The following TPH2 variants were observed in gnomAD, a reference collection of about 807,000 sequenced individuals.
The protein encoded by TPH2 is tryptophan 5-hydroxylase 2.
TPH2 carries 27 observed loss-of-function variants against 59.1 expected under a neutral mutation model. The ratio of observed to expected loss-of-function variants is 0.46; its 90% confidence interval spans 0.34 to 0.63. TPH2 has a LOEUF of 0.63. Ranked by LOEUF, TPH2 falls within the 30% of genes least tolerant of loss-of-function variation. TPH2 has a pLI of 0.01. For synonymous variants in TPH2, 220 were observed against 210.5 expected (o/e 1.05, Z -0.39); for missense variants, 523 against 588.3 (o/e 0.89, Z 1.15).
At chr12:72,007,079 T>C (rs1455497174) in intron 8 of TPH2, among the ~76,000 whole-genome samples, 1 of 152,168 alleles carries the variant, frequency 6.6e-6, no homozygotes, top group Non-Finnish European at 1.5e-5. Flanking sequence ...TTTCCCCTTC[T>C]GAAGTGCAGA....
chr12:72,027,243 G>A (rs1460907346), intron 9 of TPH2, among the ~76,000 whole-genome samples: 2 of 152,174 alleles, frequency 1.3e-5, no homozygotes, highest in East Asian at 1.9e-4. Flanking sequence ...CAGAGCTGGG[G>A]CCGTTTAATT....
intron 8 of TPH2, among the ~76,000 whole-genome samples, chr12:72,009,003 A>G (rs1873028641): frequency 6.6e-6 from 1 of 152,162 alleles, no homozygotes. Context: ...AATTACCTAT[A>G]TTTACACATC....
chr12:72,023,204 G>A (rs1352400228), intron 9 of TPH2, among the ~76,000 whole-genome samples: 1 of 152,134 alleles, frequency 6.6e-6, no homozygotes, highest in Non-Finnish European at 1.5e-5. Flanking sequence ...CATTTTAAAT[G>A]CAGTGTGATA....
chr12:71,944,564 G>T, intron 3 of TPH2, 22 bp from the exon 4 acceptor site: 1 of 1,613,706 alleles, frequency 6.2e-7, no homozygotes, highest in South Asian at 1.1e-5. Context: ...TAATATTTTT[G>T]AACCTGCACT....
At chr12:71,971,885 G>T (rs1454026549) in intron 5 of TPH2, among the ~76,000 whole-genome samples, 2 of 152,146 alleles carry the variant, frequency 1.3e-5, no homozygotes, top group African/African-American at 4.8e-5. Flanking sequence ...TTTACTTTTT[G>T]GCTCTTTACA....
At chr12:72,028,356 C>G (rs535591008) in intron 9 of TPH2, among the ~76,000 whole-genome samples, 2 of 152,238 alleles carry the variant, frequency 1.3e-5, no homozygotes, top group East Asian at 3.9e-4. Context: ...AATAGCTGCT[C>G]CCCAAAACTG....
intron 7 of TPH2, among the ~76,000 whole-genome samples, chr12:71,985,954 A>G (rs1872422570): frequency 2.0e-5 from 3 of 152,214 alleles, no homozygotes; most frequent in Admixed American, 1.3e-4. Flanking sequence ...AGTATTGAGC[A>G]TAGCTTATAT....
chr12:71,985,194 C>G (rs1003816722), intron 7 of TPH2, among the ~76,000 whole-genome samples: 4 of 152,174 alleles, frequency 2.6e-5, no homozygotes, highest in Admixed American at 2.0e-4. Context: ...CCCAAGGTAA[C>G]ACAGCTGGTA....
intron 8 of TPH2, among the ~76,000 whole-genome samples, chr12:72,013,148 C>T (rs1400878150): frequency 6.6e-6 from 1 of 152,094 alleles, no homozygotes; most frequent in Non-Finnish European, 1.5e-5. Flanking sequence ...ATCAATTTTC[C>T]ACAAGGTTTG....
Position 71,979,038 on chromosome 12 carries a change from T to G in TPH2, c.892T>G (p.Cys298Gly). ...LAGLAYRVFH[C>G]TQYIRHGSDP... ...AGGACTGGCCTACAGAGTGTTCCACTGTACCCAGTACATCCGGCATGGCTC... is the reference window on the plus strand; with the variant it reads ...AGGACTGGCCTACAGAGTGTTCCACGGTACCCAGTACATCCGGCATGGCTC... The change falls in exon 7 of 11, where the codon TGT becomes GGT. Residue 298 changes from cysteine (C) to glycine (G), a missense_variant. Cys to Gly is a radical substitution (Grantham distance 159). Coordinates refer to ENST00000333850, the MANE Select transcript of TPH2 (RefSeq NM_173353.4). 6.2e-7 allele frequency: 1 copy of G among 1,614,222 alleles called. No homozygotes were observed. Among genetic ancestry groups the G allele is most frequent in the South Asian group, 1.1e-5 (1 of 91,088 alleles).
At chr12:71,941,460 C>T in intron 1 of TPH2, 124 bp from the exon 2 acceptor site, 2 of 1,255,300 alleles carry the variant, frequency 1.6e-6, no homozygotes. Flanking sequence ...GCAACTTCAC[C>T]TTAAGTTTGT....
chr12:71,956,594 T>C (rs1871512924), intron 5 of TPH2, among the ~76,000 whole-genome samples: 1 of 147,450 alleles, frequency 6.8e-6, no homozygotes. Flanking sequence ...CCTCTTTCCC[T>C]CCTTCCCTCT....
At chr12:71,982,529 A>G (rs1311013140) in intron 7 of TPH2, among the ~76,000 whole-genome samples, 3 of 152,196 alleles carry the variant, frequency 2.0e-5, no homozygotes, top group African/African-American at 7.2e-5. Flanking sequence ...TGTATATTGC[A>G]AAGTCCTAAG....
At chr12:72,019,601 T>C (rs765341985) in intron 8 of TPH2, among the ~76,000 whole-genome samples, 2 of 152,224 alleles carry the variant, frequency 1.3e-5, no homozygotes, top group Non-Finnish European at 2.9e-5. Context: ...ATATTTGACA[T>C]ATTATATGGT....
At chr12:71,998,575 G>A (rs1192412920) in intron 8 of TPH2, among the ~76,000 whole-genome samples, 3 of 152,010 alleles carry the variant, frequency 2.0e-5, no homozygotes, top group Non-Finnish European at 4.4e-5. Context: ...TGGATACCAT[G>A]CATGTTAATG....
intron 6 of TPH2, among the ~76,000 whole-genome samples, chr12:71,973,299 T>A (rs1362605021): frequency 6.6e-6 from 1 of 152,138 alleles, no homozygotes; most frequent in Non-Finnish European, 1.5e-5. Context: ...ATAAAGACCT[T>A]GCTGATAAAA....
chr12:71,950,549 T>C (rs1405920856), intron 5 of TPH2, among the ~76,000 whole-genome samples: 3 of 152,102 alleles, frequency 2.0e-5, no homozygotes, highest in Admixed American at 6.6e-5. Context: ...TTTAGAAAAA[T>C]GCAGTGGTGG....
intron 8 of TPH2, among the ~76,000 whole-genome samples, chr12:72,015,315 GTT>G (rs869231666): frequency 6.9e-4 from 68 of 98,936 alleles, no homozygotes; most frequent in South Asian, 4.1e-3. Context: ...TTTTTTGGTT[GTT>G]TTTTTTTTTT....
chr12:71,959,989 T>G (rs1284009484), intron 5 of TPH2, among the ~76,000 whole-genome samples: 1 of 152,192 alleles, frequency 6.6e-6, no homozygotes, highest in Non-Finnish European at 1.5e-5. Context: ...GAGCTAATTT[T>G]ATCCCATTCC....
Sources: allele counts gnomAD v4.1 joint callset (sites outside exome capture counted in the v4.1 genomes callset), GRCh38; gene constraint gnomAD v4.1.1; transcripts MANE v1.5; gene names NCBI Gene and HGNC (gene_info 2026-07-23, HGNC 2026-07-21).